Variants in ADGRB3 observed in about 807,000 individuals in gnomAD.
ADGRB3 encodes adhesion G protein-coupled receptor B3, also known as brain-specific angiogenesis inhibitor 3.
In ADGRB3, 37 loss-of-function variants were observed where a neutral mutation model predicts 193.4. That is an observed-to-expected ratio of 0.19 (90% CI 0.15 to 0.25). ADGRB3 has a LOEUF of 0.25. ADGRB3 is among the 10% of genes least tolerant of loss of function. ADGRB3 has a pLI of 1.00. For synonymous variants in ADGRB3, 690 were observed against 644.2 expected (o/e 1.07, Z -1.08); for missense variants, 1,637 against 1,852.9 (o/e 0.88, Z 2.14).
At chr6:68,785,757 G>C (rs1287864181) in intron 3 of ADGRB3, among the ~76,000 whole-genome samples, 1 of 152,024 alleles carries the variant, frequency 6.6e-6, no homozygotes, top group Non-Finnish European at 1.5e-5. Flanking sequence ...GGTTGAAATG[G>C]TTTACAGTCC....
In ADGRB3 at chr6:68,867,135, T is replaced by G. The variant is rs576135102; in HGVS notation, c.758-63424T>G. On this transcript the variant is annotated intron_variant, in intron 3 of 31. Transcript: ENST00000370598. The stretch of plus-strand genomic sequence containing the variant: ...CTCCAGGGCATTTCAGAGCTCTTCA[T>G]GGCAGCTCTTCCCATCACAGACCTG... 3.3e-5 allele frequency among the ~76,000 whole-genome samples: 5 copies of G among 152,322 alleles called. No homozygotes were observed. In the East Asian group the frequency reaches 9.7e-4, roughly 29 times the overall value.
intron 8 of ADGRB3, 80 bp from the exon 9 acceptor site, chr6:68,974,683 A>G: frequency 9.5e-7 from 1 of 1,048,138 alleles, no homozygotes; most frequent in Non-Finnish European, 1.5e-6. Flanking sequence ...CTGCAGTTAG[A>G]GAGGTGCCTT....
chr6:69,232,517 C>T, intron 17 of ADGRB3: 2 of 1,535,498 alleles, frequency 1.3e-6, no homozygotes, highest in South Asian at 2.4e-5. Flanking sequence ...TTCTAGCGGA[C>T]TTGGGGTTAG....
chr6:68,779,979 G>C (rs1193742395), intron 3 of ADGRB3, among the ~76,000 whole-genome samples: 2 of 152,018 alleles, frequency 1.3e-5, no homozygotes, highest in Non-Finnish European at 2.9e-5. Flanking sequence ...ATGACTTTCA[G>C]CTTGAAGAAT....
intron 17 of ADGRB3, among the ~76,000 whole-genome samples, chr6:69,119,150 A>T (rs1054160770): frequency 6.6e-6 from 1 of 152,246 alleles, no homozygotes; most frequent in Non-Finnish European, 1.5e-5. Flanking sequence ...GTCAGAAACT[A>T]TTGACAATTG....
chr6:68,778,660 A>G (rs895069690), intron 3 of ADGRB3, among the ~76,000 whole-genome samples: 1 of 152,058 alleles, frequency 6.6e-6, no homozygotes, highest in Admixed American at 6.6e-5. Context: ...TTTTTACAAA[A>G]CACCTACACT....
chr6:69,328,441 G>C (rs993292864), intron 22 of ADGRB3, among the ~76,000 whole-genome samples: 1 of 152,118 alleles, frequency 6.6e-6, no homozygotes, highest in African/African-American at 2.4e-5. Flanking sequence ...TGGTAGAGCT[G>C]ATAAATTCTG....
intron 8 of ADGRB3, among the ~76,000 whole-genome samples, chr6:68,968,420 C>T (rs1351513434): frequency 2.0e-5 from 3 of 152,130 alleles, no homozygotes; most frequent in African/African-American, 7.2e-5. Context: ...TCTTCGTTTT[C>T]TTATGTCACG....
At chr6:69,331,539 G>C (rs1768729719) in intron 23 of ADGRB3, 2 of 985,184 alleles carry the variant, frequency 2.0e-6, no homozygotes, top group Non-Finnish European at 2.4e-6. Context: ...CTTTAAGCTT[G>C]TTCTCCCTCA....
chr6:68,740,962 T>G (rs1053652017), intron 3 of ADGRB3, among the ~76,000 whole-genome samples: 1 of 152,172 alleles, frequency 6.6e-6, no homozygotes, highest in African/African-American at 2.4e-5. Flanking sequence ...CTGAAGTGCA[T>G]GCATACAGTG....
intron 3 of ADGRB3, among the ~76,000 whole-genome samples, chr6:68,722,229 A>G (rs1036088203): frequency 2.7e-4 from 41 of 151,816 alleles, no homozygotes; most frequent in Admixed American, 1.7e-3. Flanking sequence ...TTTGCTGAGA[A>G]TGATGGTACA....
chr6:68,767,687 C>T (rs1050074635), intron 3 of ADGRB3, among the ~76,000 whole-genome samples: 3 of 152,046 alleles, frequency 2.0e-5, no homozygotes, highest in African/African-American at 7.2e-5. Flanking sequence ...GAAGTTCCGA[C>T]CAGGGCAATC....
intron 20 of ADGRB3, among the ~76,000 whole-genome samples, chr6:69,287,702 C>T (rs1767582603): frequency 6.6e-6 from 1 of 152,208 alleles, no homozygotes; most frequent in Non-Finnish European, 1.5e-5. Context: ...ACATCTCATA[C>T]TCTTTCATTA....
intron 3 of ADGRB3, among the ~76,000 whole-genome samples, chr6:68,812,788 T>A (rs566634551): frequency 0.014 from 2,073 of 152,096 alleles, 40 homozygotes; most frequent in African/African-American, 0.045. Context: ...ACCCGTCATC[T>A]ACATTAGGTA....
intron 17 of ADGRB3, among the ~76,000 whole-genome samples, chr6:69,147,473 A>G (rs1015904443): frequency 6.6e-6 from 1 of 151,928 alleles, no homozygotes; most frequent in African/African-American, 2.4e-5. Flanking sequence ...CTTGTTATTT[A>G]TTTCTAGTTT....
At chr6:68,681,381 G>C (rs1764893038) in intron 3 of ADGRB3, among the ~76,000 whole-genome samples, 1 of 152,118 alleles carries the variant, frequency 6.6e-6, no homozygotes. Context: ...TTGGGCTCAA[G>C]TGATTCTCCC....
chr6:69,354,521 G>T (rs1423239434), intron 27 of ADGRB3, among the ~76,000 whole-genome samples, 193 bp downstream of exon 27: 1 of 152,110 alleles, frequency 6.6e-6, no homozygotes, highest in South Asian at 2.1e-4. Context: ...CATGTTGTTG[G>T]CTCCCTGGGG....
intron 3 of ADGRB3, among the ~76,000 whole-genome samples, chr6:68,726,502 T>A (rs1765676225): frequency 6.6e-6 from 1 of 151,594 alleles, no homozygotes. Context: ...TCTGCATGGT[T>A]TGCTGCCATC....
intron 17 of ADGRB3, among the ~76,000 whole-genome samples, chr6:69,117,339 G>A (rs1281026797): frequency 6.6e-6 from 1 of 152,122 alleles, no homozygotes; most frequent in African/African-American, 2.4e-5. Flanking sequence ...CTCAACAGTA[G>A]GTGGATTGAA....
Sources: gnomAD v4.1 joint callset for allele counts (sites outside exome capture counted in the v4.1 genomes callset) on GRCh38, gnomAD v4.1.1 for gene constraint, MANE v1.5 for transcripts, NCBI Gene and HGNC (gene_info 2026-07-23, HGNC 2026-07-21) for gene names.